DCHS2: variants seen among roughly 807,000 people sequenced by gnomAD.
DCHS2 encodes the protein dachsous cadherin-related 2.
DCHS2 carries 142 observed loss-of-function variants against 182.4 expected under a neutral mutation model. That is an observed-to-expected ratio of 0.78 (90% CI 0.68 to 0.89). The LOEUF (loss-of-function observed/expected upper bound fraction) is 0.89. Among genes scored for constraint, DCHS2 ranks in the 40% least tolerant of loss-of-function variants. DCHS2 has a pLI of 0.00. For missense variants in DCHS2, 4,319 were observed against 4,198.6 expected (o/e 1.03, Z -0.79); for synonymous variants, 1,740 against 1,663.3 (o/e 1.05, Z -1.12).
In DCHS2 at chr4:154,304,688, A is replaced by G; in HGVS notation, c.5586T>C (p.Ala1862=). 1 of 1,610,674 alleles carries G rather than the reference A, an allele frequency of 6.2e-7. No homozygotes were observed. The highest frequency in any genetic ancestry group is 8.5e-7 in the Non-Finnish European group (1 of 1,178,432). The change falls in exon 12 of 20, where the codon GCT becomes GCC. Residue 1862 remains alanine (A), a synonymous_variant. Coordinates refer to ENST00000357232, the MANE Select transcript of DCHS2 (RefSeq NM_001358235.2). Reference sequence around the variant, plus strand: ...ACTTACCAATTATGTGATATTCAACAGCTCTGTTATTGCCAGCATCCATAT... The same window carrying G: ...ACTTACCAATTATGTGATATTCAACGGCTCTGTTATTGCCAGCATCCATAT... ...ASDMDAGNNR[A]VEYHIIDGNT...
At chr4:154,307,462 C>T (rs1206864519) in intron 10 of DCHS2, among the ~76,000 whole-genome samples, 2 of 151,866 alleles carry the variant, frequency 1.3e-5, no homozygotes, top group African/African-American at 2.4e-5. Context: ...CACACACACA[C>T]ACATATCTAC....
intron 13 of DCHS2, among the ~76,000 whole-genome samples, chr4:154,276,841 A>C (rs577259056): frequency 1.3e-5 from 2 of 152,344 alleles, no homozygotes; most frequent in Non-Finnish European, 2.9e-5. Context: ...GAATAGTCAG[A>C]TTGTAGACAT....
At chr4:154,273,483 G>C (rs1229680412) in intron 13 of DCHS2, among the ~76,000 whole-genome samples, 4 of 152,034 alleles carry the variant, frequency 2.6e-5, no homozygotes, top group Non-Finnish European at 5.9e-5. Flanking sequence ...AAGGATAAAA[G>C]ACTATACAAT....
chr4:154,394,469 G>T (rs1433688042), intron 1 of DCHS2, among the ~76,000 whole-genome samples: 1 of 152,072 alleles, frequency 6.6e-6, no homozygotes, highest in African/African-American at 2.4e-5. Flanking sequence ...TCATCTCTAG[G>T]CATTCTCTTG....
chr4:154,343,341 C>A, intron 3 of DCHS2: 2 of 855,410 alleles, frequency 2.3e-6, no homozygotes, highest in Non-Finnish European at 3.2e-6. Context: ...AGAGAGTCAG[C>A]CTGCCCTTTT....
At chr4:154,344,154 A>G (rs1403929389) in intron 3 of DCHS2, among the ~76,000 whole-genome samples, 2 of 152,176 alleles carry the variant, frequency 1.3e-5, no homozygotes, top group Non-Finnish European at 2.9e-5. Flanking sequence ...GCATCCCCAA[A>G]CAATTACAAT....
At chr4:154,433,339 T>C (rs1288664989) in intron 1 of DCHS2, among the ~76,000 whole-genome samples, 1 of 151,456 alleles carries the variant, frequency 6.6e-6, no homozygotes, top group Non-Finnish European at 1.5e-5. Flanking sequence ...TACATTCATT[T>C]CGGACTTCTC....
intron 1 of DCHS2, among the ~76,000 whole-genome samples, chr4:154,468,620 C>A (rs1042307005): frequency 1.3e-5 from 2 of 152,058 alleles, no homozygotes; most frequent in Non-Finnish European, 2.9e-5. Flanking sequence ...CAAGATTAGT[C>A]CATTTCATAA....
At position 154,331,840 on chromosome 4, in the gene DCHS2, TTAAA is replaced by T. The variant is rs142096527; in HGVS notation, c.3730+634_3730+637del. On this transcript the variant is annotated intron_variant, in intron 5 of 19. Transcript: ENST00000357232. ...GTATAGATATGTTTCATTGTAAGGATTAAATAAACTCCCCGTAAACTTATACAAC... is the reference window on the plus strand; with the variant it reads ...GTATAGATATGTTTCATTGTAAGGATTAAACTCCCCGTAAACTTATACAAC... The T allele has an allele frequency of 8.3e-3, 7,791 of 937,584 alleles. 250 individuals are homozygous for T. The East Asian group carries it at 0.09, about 11-fold the overall frequency. 58.1% of individuals were successfully genotyped at this position (937,584 alleles called of 1,614,324 possible). A position where few individuals can be genotyped will look rare whatever the true frequency, so the allele number is the denominator to read the frequency against.
Position 154,491,488 on chromosome 4 carries a change from C to T in DCHS2, c.-133G>A. On this transcript the variant is annotated 5_prime_UTR_variant, in exon 1 of 20. Transcript: ENST00000357232. ...TTGTTTGGCAAACAAACCGACGGCC[C>T]AGGAATTCCCGAGGTTACATCTGCA... 4.3e-6 allele frequency: 6 copies of T among 1,407,208 alleles called. No individual in the cohort carries two copies. Among genetic ancestry groups the T allele is most frequent in the Non-Finnish European group, 5.5e-6 (6 of 1,086,464 alleles). The allele number at this position is 1,407,208 out of a possible 1,614,324, so 87.2% of individuals were successfully genotyped here. A position where few individuals can be genotyped will look rare whatever the true frequency, so the allele number is the denominator to read the frequency against.
intron 1 of DCHS2, among the ~76,000 whole-genome samples, chr4:154,410,700 C>G (rs1214276624): frequency 6.6e-6 from 1 of 151,486 alleles, no homozygotes; most frequent in Non-Finnish European, 1.5e-5. Context: ...GGGACAGAAG[C>G]TTATTTAATG....
chr4:154,410,321 C>A, intron 1 of DCHS2, among the ~76,000 whole-genome samples: 1 of 150,950 alleles, frequency 6.6e-6, no homozygotes, highest in South Asian at 2.1e-4. Flanking sequence ...AGATGGATAT[C>A]ATACAAAAGA....
chr4:154,363,306 T>C (rs576247700), intron 3 of DCHS2, among the ~76,000 whole-genome samples: 2 of 152,278 alleles, frequency 1.3e-5, no homozygotes, highest in East Asian at 3.9e-4. Context: ...AGATATAGAA[T>C]CAACCAAAGG....
In DCHS2 at chr4:154,445,400, G is replaced by A. The variant is rs375691758; in HGVS notation, c.2052+43904C>T. ...TCCCAGGTCACTTATGCAAGTAACC[G>A]AAGGAAACTGTTTTGTTTTGTTCTT... On this transcript the variant is annotated intron_variant, in intron 1 of 19. Coordinates refer to ENST00000357232, the MANE Select transcript of DCHS2 (RefSeq NM_001358235.2). Among the ~76,000 whole-genome samples, 35 of 152,284 alleles carry A rather than the reference G, an allele frequency of 2.3e-4. No homozygotes were observed. In the South Asian group the frequency reaches 7.1e-3, roughly 31 times the overall value.
chr4:154,251,807 C>G (rs1418223619), intron 16 of DCHS2, among the ~76,000 whole-genome samples: 1 of 152,210 alleles, frequency 6.6e-6, no homozygotes, highest in Non-Finnish European at 1.5e-5. Flanking sequence ...GCATGAGCCA[C>G]TGCACCTGGC....
At chr4:154,294,866 T>C (rs912912676) in intron 13 of DCHS2, among the ~76,000 whole-genome samples, 1 of 152,196 alleles carries the variant, frequency 6.6e-6, no homozygotes, top group Non-Finnish European at 1.5e-5. Context: ...GAAAGAGTAA[T>C]GTAGGCTGAT....
At chr4:154,374,069 C>T (rs923787318) in intron 2 of DCHS2, 7 of 912,808 alleles carry the variant, frequency 7.7e-6, no homozygotes, top group Non-Finnish European at 8.1e-6. Flanking sequence ...CCAGAAAAGA[C>T]ACCTGGATTA....
chr4:154,480,817 T>G lies in DCHS2; in HGVS notation c.2052+8487A>C, dbSNP rs1252785737. Among the ~76,000 whole-genome samples the G allele has an allele frequency of 2.6e-5, 4 of 152,150 alleles. No homozygotes were observed. In the East Asian group the frequency reaches 7.7e-4, roughly 29 times the overall value. ...AAAATTTATTTTCTTGAAATAGAGATAGGGTTTTGTTATGTTGCCCAGGCT... is the reference window on the plus strand; with the variant it reads ...AAAATTTATTTTCTTGAAATAGAGAGAGGGTTTTGTTATGTTGCCCAGGCT... On this transcript the variant is annotated intron_variant, in intron 1 of 19. Coordinates refer to ENST00000357232, the MANE Select transcript of DCHS2 (RefSeq NM_001358235.2).
intron 3 of DCHS2, among the ~76,000 whole-genome samples, chr4:154,351,891 C>T (rs1354875815): frequency 6.6e-6 from 1 of 152,124 alleles, no homozygotes; most frequent in African/African-American, 2.4e-5. Flanking sequence ...CAGTCAGTGG[C>T]CCAGGGGTTG....
Sources: allele counts gnomAD v4.1 joint callset (sites outside exome capture counted in the v4.1 genomes callset), GRCh38; gene constraint gnomAD v4.1.1; transcripts MANE v1.5; gene names NCBI Gene and HGNC (gene_info 2026-07-23, HGNC 2026-07-21).